DNAH2: variants seen among roughly 807,000 people sequenced by gnomAD.
DNAH2 encodes the protein dynein axonemal heavy chain 2, also known as axonemal beta dynein heavy chain 2.
DNAH2 carries 323 observed loss-of-function variants against 523.5 expected under a neutral mutation model. The ratio of observed to expected loss-of-function variants is 0.62; its 90% confidence interval spans 0.56 to 0.68. The LOEUF (loss-of-function observed/expected upper bound fraction) is 0.68, where lower values mean the gene tolerates loss of function less well. Ranked by LOEUF, DNAH2 falls within the 30% of genes least tolerant of loss-of-function variation. The pLI is 0.00. For missense variants in DNAH2, 4,907 were observed against 5,701.5 expected (o/e 0.86, Z 4.49); for synonymous variants, 2,093 against 2,177.4 (o/e 0.96, Z 1.08).
At chr17:7,793,596 T>C (rs965580455) in intron 48 of DNAH2, among the ~76,000 whole-genome samples, 1 of 151,616 alleles carries the variant, frequency 6.6e-6, no homozygotes, top group Middle Eastern at 3.2e-3. Context: ...TCAGACAGCA[T>C]CTTGCTATGT....
chr17:7,807,663 C>A lies in DNAH2; in HGVS notation c.9729+77C>A. 3 of 1,304,708 alleles carry A rather than the reference C, an allele frequency of 2.3e-6. No homozygotes were observed. The highest frequency in any genetic ancestry group is 2.3e-5 in the East Asian group (1 of 43,254). 80.8% of individuals were successfully genotyped at this position (1,304,708 alleles called of 1,614,324 possible). On this transcript the variant is annotated intron_variant, in intron 63 of 85. Transcript: ENST00000572933. The surrounding 1 kb of genome is among the most constrained non-coding windows in gnomAD (Gnocchi z 5.6). ...ATTGCTTCATTAAGCATTTGTTTTC[C>A]CCCATCTAATTCTAGCCCCCTTCCC...
At position 7,824,598 on chromosome 17, in the gene DNAH2, G is replaced by T; in HGVS notation, c.11724G>T (p.Lys3908Asn). The change falls in exon 77 of 86, where the codon AAG becomes AAT. Residue 3908 changes from lysine to asparagine, a missense_variant. Lys to Asn is a moderately conservative substitution (Grantham distance 94). Around this residue, in one of 3 missense-constraint regions of DNAH2, gnomAD observed 1,851 missense variants for 2,139.4 expected, o/e 0.87. Coordinates refer to ENST00000572933, the MANE Select transcript of DNAH2 (RefSeq NM_020877.5). ...LSLSWMPNLD[K>N]LVEQLQVEDP... ...TGTCTTGGATGCCTAATCTGGACAA[G>T]CTGGTGGAGCAGCTGCAGGTGGAGG... 1.2e-6 allele frequency: 2 copies of T among 1,605,932 alleles called. No homozygotes were observed. The highest frequency in any genetic ancestry group is 1.7e-6 in the Non-Finnish European group (2 of 1,174,328).
chr17:7,803,163 A>G (rs1274870399), intron 58 of DNAH2, among the ~76,000 whole-genome samples: 1 of 152,110 alleles, frequency 6.6e-6, no homozygotes, highest in Non-Finnish European at 1.5e-5. Flanking sequence ...TTAGAGTCAG[A>G]TCGCACAGGT....
intron 28 of DNAH2, among the ~76,000 whole-genome samples, chr17:7,772,555 C>A (rs1244387952): frequency 6.6e-6 from 1 of 152,192 alleles, no homozygotes; most frequent in Non-Finnish European, 1.5e-5. Flanking sequence ...AGCCTGTAGA[C>A]CCTGTGCTTG....
At chr17:7,793,515 C>T (rs1437277257) in intron 48 of DNAH2, among the ~76,000 whole-genome samples, 6 of 104,664 alleles carry the variant, frequency 5.7e-5, no homozygotes, top group African/African-American at 1.3e-4. Flanking sequence ...TTCTTTCTTT[C>T]TTCTCTTTCT....
At chr17:7,777,370 T>G (rs896085138) in intron 32 of DNAH2, 76 bp from the exon 33 acceptor site, 1 of 1,542,168 alleles carries the variant, frequency 6.5e-7, no homozygotes, top group African/African-American at 1.4e-5. Context: ...GAAGCGGTGC[T>G]GGGTAGGGGC....
chr17:7,825,651 C>T (rs2077998165), intron 77 of DNAH2, among the ~76,000 whole-genome samples: 1 of 152,222 alleles, frequency 6.6e-6, no homozygotes, highest in Non-Finnish European at 1.5e-5. Flanking sequence ...AGGGGAGGGA[C>T]CCTTGGTCCT....
chr17:7,773,493 C>T (rs113739245), intron 28 of DNAH2, among the ~76,000 whole-genome samples: 2,627 of 152,102 alleles, frequency 0.017, 33 homozygotes, highest in Non-Finnish European at 0.024. Context: ...GGGATATGTT[C>T]CAAGACCCCC....
chr17:7,798,690 A>G lies in DNAH2; in HGVS notation c.8531A>G (p.Asn2844Ser), dbSNP rs2077137465. The change falls in exon 55 of 86, where the codon AAT becomes AGT. Residue 2844 changes from asparagine (N) to serine (S), a missense_variant. Asn to Ser is a conservative substitution (Grantham distance 46). Transcript: ENST00000572933. This position sits in a 1 kb window ranked among gnomAD's most constrained non-coding sequence, Gnocchi z 5.5. ...ATCCTCAGCTCAGGCGAGGTGCCCA[A>G]TCTCTACAAGCCTGATGAATTTGAA... ...NNILSSGEVP[N>S]LYKPDEFEEI... is the part of the protein sequence containing the mutation. 2 of 1,613,776 alleles carry G rather than the reference A, an allele frequency of 1.2e-6. No homozygotes were observed. The highest frequency in any genetic ancestry group is 1.1e-5 in the South Asian group (1 of 91,084).
intron 48 of DNAH2, among the ~76,000 whole-genome samples, chr17:7,793,502 T>TCTTTCTTC (rs1567709524): frequency 3.6e-5 from 5 of 137,906 alleles, no homozygotes; most frequent in South Asian, 4.4e-4. Flanking sequence ...TTTCTTTCTT[T>TCTTTCTTC]CTTTCTTTCT....
rs760183634 is a variant in DNAH2, at chr17:7,759,864, T to C, written c.2711T>C (p.Ile904Thr). 6.2e-7 allele frequency: 1 copy of C among 1,614,024 alleles called. No individual in the cohort carries two copies. The highest frequency in any genetic ancestry group is 8.5e-7 in the Non-Finnish European group (1 of 1,180,024). ...ATTGGCAACCACCTCTTTTCCACCA[T>C]CTCTGTCTTCTGCCACCTCCCTGAC... ...NDIGNHLFST[I>T]SVFCHLPDIL... The change falls in exon 17 of 86, where the codon ATC becomes ACC. Residue 904 changes from isoleucine (I) to threonine (T), a missense_variant. By Grantham distance (89) the Ile-to-Thr change is moderately conservative. Transcript: ENST00000572933.
At chr17:7,791,546 G>A (rs1179995731) in intron 44 of DNAH2, among the ~76,000 whole-genome samples, 1 of 152,002 alleles carries the variant, frequency 6.6e-6, no homozygotes, top group African/African-American at 2.4e-5. Context: ...CTGCTCTACT[G>A]GTGAACATTT....
chr17:7,794,423 G>A, intron 49 of DNAH2, 65 bp downstream of exon 49: 2 of 1,451,076 alleles, frequency 1.4e-6, no homozygotes, highest in South Asian at 1.3e-5. Flanking sequence ...CTGTCTCAGA[G>A]AAGCAGGGGC....
At chr17:7,825,476 G>A (rs1018019310) in intron 77 of DNAH2, among the ~76,000 whole-genome samples, 3 of 152,192 alleles carry the variant, frequency 2.0e-5, no homozygotes, top group Non-Finnish European at 4.4e-5. Flanking sequence ...TGGGGCAGCT[G>A]TCACAGTCGA....
At chr17:7,796,783 C>T in intron 50 of DNAH2, 131 bp downstream of exon 50, 1 of 1,047,348 alleles carries the variant, frequency 9.5e-7, no homozygotes, top group East Asian at 2.7e-5. Context: ...TGCCACACTC[C>T]CTGGCCTTAC....
At position 7,758,544 on chromosome 17, in the gene DNAH2, A is replaced by G. The variant is rs1175435630; in HGVS notation, c.2101A>G (p.Ile701Val). Residue 701 changes from isoleucine (I) to valine (V), a missense_variant, in exon 14 of 86, where the codon ATT becomes GTT. Around this residue, in one of 3 missense-constraint regions of DNAH2, gnomAD observed 2,806 missense variants for 3,190.8 expected, o/e 0.88. Transcript: ENST00000572933. ...TGAGCAGGCCCTATTCAAAGAGCGT[A>G]TTCGGCTCCTGGATAAGAAGATCCA... ...PDEQALFKER[I>V]RLLDKKIHPG... The G allele has an allele frequency of 6.8e-6, 11 of 1,614,058 alleles. No individual in the cohort carries two copies. The highest frequency in any genetic ancestry group is 1.3e-5 in the African/African-American group (1 of 74,920).
At chr17:7,816,375 G>A (rs1020022424) in intron 63 of DNAH2, among the ~76,000 whole-genome samples, 196 bp from the exon 64 acceptor site, 4 of 152,124 alleles carry the variant, frequency 2.6e-5, no homozygotes, top group African/African-American at 4.8e-5. Context: ...CTCATCTCAC[G>A]TATTTTATCT....
At chr17:7,772,499 C>T (rs527464723) in intron 28 of DNAH2, among the ~76,000 whole-genome samples, 60 of 152,288 alleles carry the variant, frequency 3.9e-4, no homozygotes, top group African/African-American at 1.4e-3. Context: ...ACTGAGCATG[C>T]CTGTGATCTC....
At chr17:7,738,367 C>T (rs11652283) in intron 8 of DNAH2, among the ~76,000 whole-genome samples, 2,246 of 151,896 alleles carry the variant, frequency 0.015, 33 homozygotes, top group African/African-American at 0.036. Context: ...TCTTGGTCTG[C>T]CACCCAGGCT....
Sources: allele counts gnomAD v4.1 joint callset (sites outside exome capture counted in the v4.1 genomes callset), GRCh38; gene constraint gnomAD v4.1.1; regional missense constraint gnomAD v4.1.1; non-coding constraint Gnocchi (gnomAD v3.1); transcripts MANE v1.5; gene names NCBI Gene and HGNC (gene_info 2026-07-23, HGNC 2026-07-21).